The following CTNNA2 variants were observed in gnomAD, a reference collection of about 807,000 sequenced individuals.
The protein encoded by CTNNA2 is catenin alpha 2.
Under a neutral mutation model 101.0 loss-of-function variants are expected in CTNNA2, and 42 were observed. That is an observed-to-expected ratio of 0.42 (90% CI 0.32 to 0.54). The LOEUF is 0.54. CTNNA2 is among the 20% of genes least tolerant of loss of function. The pLI is 0.14. For synonymous variants in CTNNA2, 450 were observed against 456.4 expected, an observed-to-expected ratio of 0.99 and a Z score of 0.18; for missense variants, 871 against 1,223.1, an observed-to-expected ratio of 0.71 and a Z score of 4.29.
intron 2 of CTNNA2, among the ~76,000 whole-genome samples, chr2:79,230,995 T>C (rs1674485143): frequency 6.6e-6 from 1 of 152,178 alleles, no homozygotes; most frequent in Admixed American, 6.5e-5. Flanking sequence ...AGGAAGTAAC[T>C]GACTTGCTTT....
intron 7 of CTNNA2, among the ~76,000 whole-genome samples, chr2:79,933,103 A>G (rs758164766): frequency 9.1e-4 from 138 of 152,298 alleles, no homozygotes; most frequent in Middle Eastern, 3.4e-3. Context: ...TTATCATTTC[A>G]TGCTTTATAG....
intron 7 of CTNNA2, among the ~76,000 whole-genome samples, chr2:80,145,641 T>C (rs1703286473): frequency 1.3e-5 from 2 of 152,208 alleles, no homozygotes; most frequent in African/African-American, 4.8e-5. Flanking sequence ...CACTTGACCA[T>C]GAGCCATTCT....
At chr2:79,529,791 T>A (rs1211214378) in intron 1 of CTNNA2, among the ~76,000 whole-genome samples, 1 of 151,900 alleles carries the variant, frequency 6.6e-6, no homozygotes, top group African/African-American at 2.4e-5. Context: ...AGTTGTAAGA[T>A]CAAATCTTGC....
intron 7 of CTNNA2, among the ~76,000 whole-genome samples, chr2:79,951,310 T>C (rs1424011306): frequency 6.6e-6 from 1 of 152,186 alleles, no homozygotes; most frequent in Admixed American, 6.5e-5. Context: ...CTTCAGGTGA[T>C]TCTAATGTAC....
chr2:80,624,503 A>T (rs1671471695), intron 18 of CTNNA2, among the ~76,000 whole-genome samples: 1 of 151,882 alleles, frequency 6.6e-6, no homozygotes, highest in African/African-American at 2.4e-5. Flanking sequence ...CTAGAAAGGA[A>T]TTTTACATTT....
chr2:79,969,790 A>G (rs981293604), intron 7 of CTNNA2, among the ~76,000 whole-genome samples: 1 of 152,152 alleles, frequency 6.6e-6, no homozygotes, highest in African/African-American at 2.4e-5. Context: ...TGTGTGATCA[A>G]TTAAATCGGA....
intron 7 of CTNNA2, among the ~76,000 whole-genome samples, chr2:79,992,772 T>G (rs1692271405): frequency 6.6e-6 from 1 of 152,206 alleles, no homozygotes; most frequent in South Asian, 2.1e-4. Context: ...TTTCTTAAAC[T>G]TGTGAGTATA....
At chr2:79,860,782 T>G (rs1393718761) in intron 4 of CTNNA2, among the ~76,000 whole-genome samples, 1 of 152,138 alleles carries the variant, frequency 6.6e-6, no homozygotes, top group African/African-American at 2.4e-5. Context: ...TTTTCTCTCA[T>G]GAACTATTGC....
intron 7 of CTNNA2, chr2:80,029,317 C>T (rs1053541265): frequency 6.6e-6 from 1 of 152,214 alleles, no homozygotes. Context: ...ACTTCTTCCT[C>T]TGTGAGAGTT....
At chr2:79,236,069 G>A (rs1240126523) in intron 2 of CTNNA2, among the ~76,000 whole-genome samples, 2 of 152,108 alleles carry the variant, frequency 1.3e-5, no homozygotes, top group Non-Finnish European at 2.9e-5. Flanking sequence ...GGAAACAGGA[G>A]GATACAGCCA....
intron 2 of CTNNA2, chr2:79,687,641 T>C: frequency 1.5e-6 from 1 of 675,400 alleles, no homozygotes; most frequent in Non-Finnish European, 2.7e-6. Flanking sequence ...TGAAAAAGGA[T>C]ACCTGTTGAA....
chr2:79,714,465 A>G (rs1479319943), intron 2 of CTNNA2, among the ~76,000 whole-genome samples: 2 of 152,154 alleles, frequency 1.3e-5, no homozygotes, highest in African/African-American at 4.8e-5. Flanking sequence ...GTGATAAAAT[A>G]TGGCTATCAT....
intron 3 of CTNNA2, among the ~76,000 whole-genome samples, chr2:79,328,221 A>C (rs1434218): frequency 6.6e-6 from 1 of 152,022 alleles, no homozygotes; most frequent in East Asian, 1.9e-4. Flanking sequence ...ACAATGGTAC[A>C]GGGAGAAAAA....
At chr2:79,898,344 G>A (rs554454745) in intron 6 of CTNNA2, among the ~76,000 whole-genome samples, 3 of 151,924 alleles carry the variant, frequency 2.0e-5, no homozygotes, top group African/African-American at 7.2e-5. Flanking sequence ...ACCATATTGA[G>A]CAGGCTGGTC....
chr2:80,516,397 G>A (rs1344008153), intron 9 of CTNNA2, among the ~76,000 whole-genome samples: 1 of 152,128 alleles, frequency 6.6e-6, no homozygotes, highest in Non-Finnish European at 1.5e-5. Context: ...GGGTACCTGT[G>A]CAGGCCAGGG....
intron 7 of CTNNA2, among the ~76,000 whole-genome samples, chr2:80,093,240 T>C (rs1478497771): frequency 6.6e-6 from 1 of 151,900 alleles, no homozygotes; most frequent in African/African-American, 2.4e-5. Context: ...CACCTGTGAG[T>C]GAGAACATGA....
chr2:79,658,742 G>T (rs1395762955), intron 2 of CTNNA2, among the ~76,000 whole-genome samples: 1 of 151,786 alleles, frequency 6.6e-6, no homozygotes, highest in African/African-American at 2.4e-5. Context: ...TCTGATAAAA[G>T]AATATCATTG....
chr2:79,234,764 T>C (rs912751168), intron 2 of CTNNA2, among the ~76,000 whole-genome samples: 3 of 152,200 alleles, frequency 2.0e-5, no homozygotes, highest in Non-Finnish European at 4.4e-5. Context: ...ATGAGAGAGC[T>C]TATTTGAAGA....
At chr2:79,547,150 C>T (rs529796973) in intron 1 of CTNNA2, 10 of 152,090 alleles carry the variant, frequency 6.6e-5, no homozygotes, top group Non-Finnish European at 1.3e-4. Flanking sequence ...TAGTACAGGG[C>T]TTCTCACCAG....
Sources: gnomAD v4.1 joint callset for allele counts (sites outside exome capture counted in the v4.1 genomes callset) on GRCh38, gnomAD v4.1.1 for gene constraint, MANE v1.5 for transcripts, NCBI Gene and HGNC (gene_info 2026-07-23, HGNC 2026-07-21) for gene names.